The following CEP95 variants were observed in gnomAD, a reference collection of about 807,000 sequenced individuals.
The protein encoded by CEP95 is centrosomal protein 95.
Under a neutral mutation model 111.2 loss-of-function variants are expected in CEP95, and 98 were observed. The ratio of observed to expected loss-of-function variants is 0.88; its 90% CI spans 0.75 to 1.04. The LOEUF is 1.04. Ranked by LOEUF, CEP95 falls within the 50% of genes least tolerant of loss-of-function variation. The pLI, the probability that CEP95 is intolerant of heterozygous loss-of-function variation, is 0.00. For missense variants in CEP95, 1,027 were observed against 977.2 expected, an observed-to-expected ratio of 1.05 and a Z score of -0.68; for synonymous variants, 323 against 327.1, an observed-to-expected ratio of 0.99 and a Z score of 0.14.
chr17:64,526,620 T>C (rs997586916), intron 10 of CEP95, among the ~76,000 whole-genome samples: 1 of 152,164 alleles, frequency 6.6e-6, no homozygotes, highest in African/African-American at 2.4e-5. Flanking sequence ...TTTTCTAAAG[T>C]TTATTGAAAC....
intron 16 of CEP95, chr17:64,534,359 G>A (rs1968498093): frequency 2.1e-6 from 1 of 470,404 alleles, no homozygotes; most frequent in East Asian, 3.8e-5. Flanking sequence ...CCACAGGAGT[G>A]CCCAGGATCA....
At chr17:64,534,513 G>A (rs887086880) in intron 16 of CEP95, 72 bp from the exon 17 acceptor site, 8 of 1,367,468 alleles carry the variant, frequency 5.9e-6, no homozygotes, top group East Asian at 2.3e-5. Flanking sequence ...GGGGAGTGAG[G>A]CAGATGAGAA....
At chr17:64,517,207 C>T (rs376899431) in intron 5 of CEP95, among the ~76,000 whole-genome samples, 10 of 151,990 alleles carry the variant, frequency 6.6e-5, no homozygotes, top group Middle Eastern at 3.4e-3. Context: ...CCACCATGCC[C>T]GGCTAATTTT....
chr17:64,526,830 T>G (rs1398708035), intron 10 of CEP95, among the ~76,000 whole-genome samples: 7 of 152,112 alleles, frequency 4.6e-5, no homozygotes, highest in African/African-American at 1.7e-4. Context: ...CTTGGTGGCA[T>G]ATGCCTGTAA....
At chr17:64,519,669 G>T (rs1272806389) in intron 6 of CEP95, among the ~76,000 whole-genome samples, 7 of 152,136 alleles carry the variant, frequency 4.6e-5, no homozygotes, top group African/African-American at 1.7e-4. Flanking sequence ...GGTAATTTGC[G>T]GTTCCTTATA....
Position 64,510,674 on chromosome 17 carries a change from C to T in CEP95, c.256+394C>T, listed in dbSNP as rs183397555. On this transcript the variant is annotated intron_variant, in intron 3 of 19. Transcript: ENST00000556440. ...AGGTGATCCTCTCACCTCAGCCTCC[C>T]GGGTAGCCGGGGCTACAGGTGTGCA... Among the ~76,000 whole-genome samples, 459 of 152,302 alleles carry T rather than the reference C, an allele frequency of 3.0e-3. 1 individual carries two copies. The highest frequency in any genetic ancestry group is 9.1e-3 in the Admixed American group (140 of 15,302).
chr17:64,507,973 G>A, intron 1 of CEP95: 1 of 985,300 alleles, frequency 1.0e-6, no homozygotes, highest in East Asian at 1.1e-4. Context: ...CAACAGTATT[G>A]ATAATTCTGA....
At position 64,522,829 on chromosome 17, in the gene CEP95, A is replaced by G. The variant is rs782327657; in HGVS notation, c.843A>G (p.Glu281=). Residue 281 remains glutamate (E), a synonymous_variant, in exon 8 of 20, where the codon GAA becomes GAG. Coordinates refer to ENST00000556440, the MANE Select transcript of CEP95 (RefSeq NM_138363.3). ...EPRAPCPIGK[E]YLHSSHCSPA... is the part of the protein sequence containing the mutation. ...GAGCACCCTGCCCCATAGGAAAAGA[A>G]TACTTGCATTCAAGTCACTGCTCCC... The G allele has an allele frequency of 1.2e-6, 2 of 1,613,772 alleles. No homozygotes were observed. Among genetic ancestry groups the G allele is most frequent in the South Asian group, 2.2e-5 (2 of 91,064 alleles).
At chr17:64,535,910 C>T (rs1555681436) in intron 17 of CEP95, 1 of 152,156 alleles carries the variant, frequency 6.6e-6, no homozygotes, top group Non-Finnish European at 1.5e-5. Flanking sequence ...ATACATACTG[C>T]AGTATAGATG....
At chr17:64,510,428 C>T in intron 3 of CEP95, 148 bp downstream of exon 3, 1 of 579,496 alleles carries the variant, frequency 1.7e-6, no homozygotes, top group Non-Finnish European at 3.1e-6. Context: ...TGATAGAGGT[C>T]AGGTCCATAC....
At chr17:64,536,560 G>T in intron 17 of CEP95, 42 bp from the exon 18 acceptor site, 2 of 1,515,656 alleles carry the variant, frequency 1.3e-6, no homozygotes, top group Non-Finnish European at 1.8e-6. Flanking sequence ...TGGCCAAAAT[G>T]ATATTCCTCA....
Position 64,507,131 on chromosome 17 carries a change from G to A in CEP95, c.19+15G>A, listed in dbSNP as rs534076462. On this transcript the variant is annotated intron_variant, in intron 1 of 19. Coordinates refer to ENST00000556440, the MANE Select transcript of CEP95 (RefSeq NM_138363.3). ...CTCGGATGCTGGTGAGTGTCTCCCT[G>A]GGGTCCCAGTATGTGTGGACTGAAA... 6 of 1,551,458 alleles carry A rather than the reference G, an allele frequency of 3.9e-6. No homozygotes were observed. The Admixed American group carries it at 5.9e-5, about 15-fold the overall frequency.
intron 4 of CEP95, chr17:64,515,926 G>T (rs1369493451): frequency 6.6e-6 from 1 of 152,146 alleles, no homozygotes; most frequent in Non-Finnish European, 1.5e-5. Context: ...TCAGTGCTGG[G>T]TTCTTCCTCT....
Position 64,521,463 on chromosome 17 carries a change from A to T in CEP95, c.651A>T (p.Ser217=). 1 of 1,612,704 alleles carries T rather than the reference A, an allele frequency of 6.2e-7. No homozygotes were observed. Among genetic ancestry groups the T allele is most frequent in the Non-Finnish European group, 8.5e-7 (1 of 1,178,862 alleles). The change falls in exon 7 of 20, where the codon TCA becomes TCT. Residue 217 remains serine, a synonymous_variant. Coordinates refer to ENST00000556440, the MANE Select transcript of CEP95 (RefSeq NM_138363.3). ...KKALASPSSK[S]HEDMLYPPSV... is the part of the protein sequence containing the mutation. Reference sequence around the variant, plus strand: ...CCTTAGCCTCACCAAGTTCTAAATCACATGAAGATATGTTGTACCCTCCTA... The same window carrying T: ...CCTTAGCCTCACCAAGTTCTAAATCTCATGAAGATATGTTGTACCCTCCTA...
In CEP95 at chr17:64,506,979, TC is replaced by T. The variant is rs2038569495; in HGVS notation, c.-115del. 1 of 1,149,748 alleles carries T rather than the reference TC, an allele frequency of 8.7e-7. No individual in the cohort carries two copies. Among genetic ancestry groups the T allele is most frequent in the Non-Finnish European group, 1.3e-6 (1 of 781,834 alleles). 71.2% of individuals were successfully genotyped at this position (1,149,748 alleles called of 1,614,324 possible). A position where few individuals can be genotyped will look rare whatever the true frequency, so the allele number is the denominator to read the frequency against. ...CGTCCGTCCTTCTTTCACGCCTCCT[TC>T]CCCGCGCTTTGGTTCGTGCGTCCGC... On this transcript the variant is annotated 5_prime_UTR_variant, in exon 1 of 20. Transcript: ENST00000556440.
intron 1 of CEP95, chr17:64,508,182 C>G (rs1330389572): frequency 1.0e-6 from 1 of 985,208 alleles, no homozygotes; most frequent in Non-Finnish European, 1.2e-6. Flanking sequence ...ATTGCAAGTG[C>G]GAAGCAGCCT....
chr17:64,533,146 CCTTA>C lies in CEP95; in HGVS notation c.1875_1878del (p.Thr626ProfsTer25). 1 of 1,594,966 alleles carries C rather than the reference CCTTA, an allele frequency of 6.3e-7. No individual in the cohort carries two copies. The highest frequency in any genetic ancestry group is 8.5e-7 in the Non-Finnish European group (1 of 1,175,304). ...AAGAAGCCCTAAGAAGGCATGACCT[CCTTA>C]CTACCCTTGTCAAGAAAGAATATGA... On this transcript the variant is annotated frameshift_variant, in exon 16 of 20. Transcript: ENST00000556440. LOFTEE classifies it high-confidence loss of function.
intron 2 of CEP95, among the ~76,000 whole-genome samples, chr17:64,509,662 G>A (rs1454236980): frequency 2.6e-5 from 4 of 152,182 alleles, no homozygotes; most frequent in African/African-American, 9.6e-5. Flanking sequence ...TCCAGCCTGG[G>A]CGATAGAGCG....
chr17:64,513,345 T>A (rs2038986097), intron 3 of CEP95, among the ~76,000 whole-genome samples: 1 of 152,074 alleles, frequency 6.6e-6, no homozygotes, highest in African/African-American at 2.4e-5. Context: ...ACAATCAGAG[T>A]GTCACAAGGG....
Sources: allele counts gnomAD v4.1 joint callset (sites outside exome capture counted in the v4.1 genomes callset), GRCh38; gene constraint gnomAD v4.1.1; transcripts MANE v1.5; gene names NCBI Gene and HGNC (gene_info 2026-07-23, HGNC 2026-07-21).